Variants in CDC14A observed in about 807,000 individuals in gnomAD.
CDC14A encodes the protein cell division cycle 14A, also known as dual specificity protein phosphatase CDC14A.
A neutral mutation model predicts 74.4 loss-of-function variants in CDC14A; 53 were observed. The observed-to-expected ratio is 0.71, with a 90% CI of 0.57 to 0.89. CDC14A has a LOEUF of 0.89. Among genes scored for constraint, CDC14A ranks in the 40% least tolerant of loss-of-function variants. CDC14A has a pLI of 0.00. For missense variants in CDC14A, 646 were observed against 713.7 expected, an observed-to-expected ratio of 0.91 and a Z score of 1.08; for synonymous variants, 247 against 258.4, an observed-to-expected ratio of 0.96 and a Z score of 0.43.
chr1:100,473,979 G>A (rs1386624469), intron 10 of CDC14A, among the ~76,000 whole-genome samples: 2 of 152,118 alleles, frequency 1.3e-5, no homozygotes, highest in Non-Finnish European at 2.9e-5. Context: ...TATGTTAATT[G>A]AGGTTTTCTA....
chr1:100,392,635 A>G (rs565012167), intron 4 of CDC14A, among the ~76,000 whole-genome samples: 2 of 152,320 alleles, frequency 1.3e-5, no homozygotes, highest in Non-Finnish European at 2.9e-5. Context: ...TTGGTAATCA[A>G]GAATGTGTTT....
At chr1:100,447,097 A>G (rs1571214520) in intron 7 of CDC14A, among the ~76,000 whole-genome samples, 1 of 152,146 alleles carries the variant, frequency 6.6e-6, no homozygotes, top group East Asian at 1.9e-4. Context: ...TTCTGTAAGG[A>G]CAGGCTAGCC....
chr1:100,478,274 T>C (rs565474465), intron 10 of CDC14A, among the ~76,000 whole-genome samples: 3 of 152,244 alleles, frequency 2.0e-5, no homozygotes, highest in African/African-American at 4.8e-5. Context: ...TTTAGAAGTA[T>C]AAAGGTGGAG....
intron 10 of CDC14A, among the ~76,000 whole-genome samples, chr1:100,475,599 G>A (rs1212085822): frequency 1.3e-5 from 2 of 152,176 alleles, no homozygotes; most frequent in African/African-American, 4.8e-5. Flanking sequence ...CCAGGTGGAG[G>A]CAGGAATCTG....
At chr1:100,378,918 G>C (rs1216334308) in intron 3 of CDC14A, among the ~76,000 whole-genome samples, 2 of 152,086 alleles carry the variant, frequency 1.3e-5, no homozygotes, top group African/African-American at 4.8e-5. Context: ...CAATCACCTA[G>C]GAAGTAAATA....
Position 100,498,997 on chromosome 1 carries a change from A to G in CDC14A, c.1490A>G (p.Asn497Ser). 1.9e-6 allele frequency: 3 copies of G among 1,614,216 alleles called. No individual in the cohort carries two copies. Among genetic ancestry groups the G allele is most frequent in the Non-Finnish European group, 2.5e-6 (3 of 1,180,034 alleles). ...AATGCTGCAACAGATGATCCAGAGA[A>G]CAAAAAGACCTCCTCATCCTCTAAG... ...NLNAATDDPE[N>S]KKTSSSSKAG... is the part of the protein sequence containing the mutation. The change falls in exon 15 of 16, where the codon AAC becomes AGC. Residue 497 changes from asparagine (N) to serine (S), a missense_variant. Physicochemically the swap from Asn to Ser is conservative, Grantham distance 46 (BLOSUM62 1). Transcript: ENST00000336454.
chr1:100,393,620 C>A, intron 4 of CDC14A: 1 of 660,136 alleles, frequency 1.5e-6, no homozygotes, highest in East Asian at 3.0e-5. Context: ...CAGCTGCTTC[C>A]TGCACACCAG....
At chr1:100,456,297 T>A (rs983510514) in intron 8 of CDC14A, among the ~76,000 whole-genome samples, 1 of 152,238 alleles carries the variant, frequency 6.6e-6, no homozygotes, top group African/African-American at 2.4e-5. Context: ...CCATTAAGAC[T>A]TATTTTGTAC....
chr1:100,447,166 A>T (rs1048557794), intron 7 of CDC14A, among the ~76,000 whole-genome samples: 5 of 152,206 alleles, frequency 3.3e-5, no homozygotes. Flanking sequence ...TCCTTGCTTC[A>T]TGTGATCTGT....
intron 4 of CDC14A, among the ~76,000 whole-genome samples, chr1:100,399,702 C>T (rs1018758624): frequency 2.6e-5 from 4 of 151,622 alleles, no homozygotes; most frequent in African/African-American, 9.7e-5. Flanking sequence ...TGCTATTAGC[C>T]TCCATTAAAA....
chr1:100,481,361 T>G (rs1001726324), intron 10 of CDC14A, among the ~76,000 whole-genome samples: 5 of 152,092 alleles, frequency 3.3e-5, no homozygotes, highest in Non-Finnish European at 7.4e-5. Context: ...GAGATGGGAT[T>G]GGGCTGGGCT....
At chr1:100,451,537 A>G (rs1342934282) in intron 7 of CDC14A, among the ~76,000 whole-genome samples, 1 of 152,234 alleles carries the variant, frequency 6.6e-6, no homozygotes, top group East Asian at 1.9e-4. Flanking sequence ...CTTACAGCAT[A>G]TTTGCATTTA....
intron 5 of CDC14A, among the ~76,000 whole-genome samples, chr1:100,432,153 T>C (rs1377749910): frequency 6.6e-6 from 1 of 152,240 alleles, no homozygotes; most frequent in African/African-American, 2.4e-5. Flanking sequence ...CCCTGCCTCC[T>C]GAGGCATGTG....
At chr1:100,407,509 T>C (rs1413783136) in intron 4 of CDC14A, among the ~76,000 whole-genome samples, 1 of 152,192 alleles carries the variant, frequency 6.6e-6, no homozygotes, top group Non-Finnish European at 1.5e-5. Flanking sequence ...GCTTGCCTGT[T>C]GTTGGGGTAT....
At chr1:100,410,072 T>C (rs11166447) in intron 4 of CDC14A, among the ~76,000 whole-genome samples, 35,755 of 151,852 alleles carry the variant, frequency 0.24, 5,468 homozygotes, top group Non-Finnish European at 0.34. Flanking sequence ...ATTAACCAGG[T>C]GTGGTGGTGC....
chr1:100,416,387 T>C (rs1661531409), intron 4 of CDC14A, among the ~76,000 whole-genome samples: 1 of 152,180 alleles, frequency 6.6e-6, no homozygotes, highest in South Asian at 2.1e-4. Context: ...ACCTCAGGGA[T>C]CTTCTGATAT....
At chr1:100,425,517 A>T (rs879836361) in intron 5 of CDC14A, among the ~76,000 whole-genome samples, 5 of 152,168 alleles carry the variant, frequency 3.3e-5, no homozygotes, top group Non-Finnish European at 7.3e-5. Flanking sequence ...AGGGATTCTC[A>T]TTCTGCTTCT....
chr1:100,467,820 C>A, intron 9 of CDC14A, 136 bp from the exon 10 acceptor site: 1 of 808,006 alleles, frequency 1.2e-6, no homozygotes, highest in Non-Finnish European at 1.9e-6. Context: ...TACATGATAG[C>A]AGTTATGTTT....
chr1:100,408,434 G>A (rs922799653), intron 4 of CDC14A, among the ~76,000 whole-genome samples: 1 of 152,172 alleles, frequency 6.6e-6, no homozygotes, highest in African/African-American at 2.4e-5. Context: ...TATATACTCA[G>A]TAATACGATT....
Sources: allele counts gnomAD v4.1 joint callset (sites outside exome capture counted in the v4.1 genomes callset), GRCh38; gene constraint gnomAD v4.1.1; transcripts MANE v1.5; gene names NCBI Gene and HGNC (gene_info 2026-07-23, HGNC 2026-07-21).